Variants in TAF3 observed in about 807,000 individuals in gnomAD.
TAF3 encodes TATA-box binding protein associated factor 3, also known as transcription initiation factor TFIID subunit 3.
In TAF3, 7 loss-of-function variants were observed where a neutral mutation model predicts 80.6. The observed-to-expected ratio is 0.09, with a 90% confidence interval of 0.05 to 0.16. The LOEUF (loss-of-function observed/expected upper bound fraction) is 0.16. Among genes scored for constraint, TAF3 ranks in the 10% least tolerant of loss-of-function variants. The pLI, the probability that TAF3 is intolerant of heterozygous loss-of-function variation, is 1.00. For synonymous variants in TAF3, 444 were observed against 446.1 expected (o/e 1.00, Z 0.06); for missense variants, 921 against 1,140.2 (o/e 0.81, Z 2.77).
At chr10:7,968,550 A>ATTTT (rs1315685286) in intron 3 of TAF3, among the ~76,000 whole-genome samples, 1 of 152,230 alleles carries the variant, frequency 6.6e-6, no homozygotes, top group East Asian at 1.9e-4. Context: ...AAGAACACTA[A>ATTTT]AAACAGCAAA....
intron 2 of TAF3, among the ~76,000 whole-genome samples, chr10:7,881,081 C>T (rs529691549): frequency 6.6e-6 from 1 of 152,040 alleles, no homozygotes; most frequent in East Asian, 1.9e-4. Context: ...ACAAAAAATA[C>T]AAAAATTAGC....
chr10:7,910,238 C>T (rs1221341458), intron 2 of TAF3, among the ~76,000 whole-genome samples: 1 of 152,072 alleles, frequency 6.6e-6, no homozygotes, highest in Non-Finnish European at 1.5e-5. Flanking sequence ...TAAACACTGA[C>T]ATTTTCCTAC....
At chr10:8,013,908 A>G in intron 6 of TAF3, 71 bp downstream of exon 6, 2 of 1,297,722 alleles carry the variant, frequency 1.5e-6, no homozygotes, top group East Asian at 2.3e-5. Context: ...TGAAGCATCC[A>G]CTGAGTAGAT....
intron 2 of TAF3, among the ~76,000 whole-genome samples, chr10:7,939,234 G>A (rs1003202773): frequency 4.6e-5 from 7 of 152,188 alleles, no homozygotes; most frequent in African/African-American, 1.7e-4. Context: ...CAAGTATTGA[G>A]TTGGGCTCAG....
intron 2 of TAF3, among the ~76,000 whole-genome samples, chr10:7,829,220 G>A (rs1486006778): frequency 2.0e-5 from 3 of 152,102 alleles, no homozygotes; most frequent in Admixed American, 2.0e-4. Flanking sequence ...AAATTGAGAA[G>A]TTAGTTTGGA....
At chr10:7,897,337 C>G (rs1837514430) in intron 2 of TAF3, among the ~76,000 whole-genome samples, 1 of 152,166 alleles carries the variant, frequency 6.6e-6, no homozygotes, top group Non-Finnish European at 1.5e-5. Flanking sequence ...TATTTACTTT[C>G]CAGTAGAATT....
At chr10:7,859,080 G>A (rs557328815) in intron 2 of TAF3, among the ~76,000 whole-genome samples, 6 of 151,982 alleles carry the variant, frequency 3.9e-5, no homozygotes, top group South Asian at 2.1e-4. Context: ...GGCTAACACG[G>A]TGAAACCCCG....
At chr10:7,855,412 A>T (rs570030561) in intron 2 of TAF3, among the ~76,000 whole-genome samples, 1 of 152,274 alleles carries the variant, frequency 6.6e-6, no homozygotes, top group South Asian at 2.1e-4. Flanking sequence ...AACAAGGGGG[A>T]ATTCATGGAA....
chr10:7,886,085 T>C (rs1837406489), intron 2 of TAF3, among the ~76,000 whole-genome samples: 1 of 151,992 alleles, frequency 6.6e-6, no homozygotes, highest in Non-Finnish European at 1.5e-5. Context: ...TCCACCACCA[T>C]GTCTGGCTAA....
At chr10:8,010,387 G>A (rs1259386993) in intron 5 of TAF3, among the ~76,000 whole-genome samples, 1 of 152,148 alleles carries the variant, frequency 6.6e-6, no homozygotes, top group African/African-American at 2.4e-5. Context: ...AGAGACGCAT[G>A]GTGGTACTGA....
intron 2 of TAF3, among the ~76,000 whole-genome samples, chr10:7,827,263 A>G (rs904045526): frequency 6.6e-6 from 1 of 152,210 alleles, no homozygotes; most frequent in African/African-American, 2.4e-5. Flanking sequence ...TGAACTTTAT[A>G]TTCATCTGTA....
At chr10:7,992,540 A>C (rs1019484096) in intron 4 of TAF3, among the ~76,000 whole-genome samples, 2 of 148,956 alleles carry the variant, frequency 1.3e-5, no homozygotes, top group Non-Finnish European at 3.0e-5. Context: ...GTTTGGGGAA[A>C]GTAGAATTTG....
chr10:7,915,281 C>G (rs1266490914), intron 2 of TAF3, among the ~76,000 whole-genome samples: 1 of 151,842 alleles, frequency 6.6e-6, no homozygotes, highest in African/African-American at 2.4e-5. Flanking sequence ...GCGCTCTTCC[C>G]TTTGCTCTTC....
chr10:7,886,656 G>A (rs1258648178), intron 2 of TAF3, among the ~76,000 whole-genome samples: 7 of 152,138 alleles, frequency 4.6e-5, no homozygotes, highest in African/African-American at 1.2e-4. Flanking sequence ...ATACATCATA[G>A]CACATAGCTG....
chr10:7,942,932 C>A (rs565579435), intron 2 of TAF3, among the ~76,000 whole-genome samples: 1 of 152,348 alleles, frequency 6.6e-6, no homozygotes, highest in East Asian at 1.9e-4. Context: ...CTGTGCAGGT[C>A]TTCTGCTCTT....
In TAF3 at chr10:7,965,479, C is replaced by T. The variant is rs1831561036; in HGVS notation, c.1969C>T (p.Pro657Ser). The T allele has an allele frequency of 2.5e-6, 4 of 1,609,252 alleles. No homozygotes were observed. Among genetic ancestry groups the T allele is most frequent in the Non-Finnish European group, 3.4e-6 (4 of 1,178,920 alleles). ...MKAPAPPLVL[P>S]PKELALPLFS... is the part of the protein sequence containing the mutation. ...AGCCCCAGCACCCCCACTGGTGTTG[C>T]CCCCAAAAGAGTTGGCCCTGCCCTT... Residue 657 changes from proline to serine, a missense_variant, in exon 3 of 7, where the codon CCC becomes TCC. Coordinates refer to ENST00000344293, the MANE Select transcript of TAF3 (RefSeq NM_031923.4).
intron 2 of TAF3, among the ~76,000 whole-genome samples, chr10:7,890,989 C>T (rs768868589): frequency 6.6e-6 from 1 of 152,224 alleles, no homozygotes; most frequent in Non-Finnish European, 1.5e-5. Context: ...AAGCATGTAG[C>T]TGAACTTGCG....
At chr10:7,860,777 G>A (rs912052578) in intron 2 of TAF3, among the ~76,000 whole-genome samples, 6 of 149,534 alleles carry the variant, frequency 4.0e-5, no homozygotes, top group Admixed American at 2.7e-4. Flanking sequence ...GCTAACAGGA[G>A]CCTTTTCTTT....
In TAF3 at chr10:8,012,617, G is replaced by C. The variant is rs539798849; in HGVS notation, c.2569-1114G>C. Among the ~76,000 whole-genome samples, 6 of 152,266 alleles carry C rather than the reference G, an allele frequency of 3.9e-5. No homozygotes were observed. The South Asian group carries it at 1.2e-3, about 32-fold the overall frequency. On this transcript the variant is annotated intron_variant, in intron 5 of 6. Transcript: ENST00000344293. ...TAGACAGCAGGTACGGGTGACTGCT[G>C]GTTCTCACCCCTTGTTACTTTTTCT...
Sources: allele counts gnomAD v4.1 joint callset (sites outside exome capture counted in the v4.1 genomes callset), GRCh38; gene constraint gnomAD v4.1.1; transcripts MANE v1.5; gene names NCBI Gene and HGNC (gene_info 2026-07-23, HGNC 2026-07-21).